Variants in CDH8 observed in about 807,000 individuals in gnomAD.
CDH8 encodes the protein cadherin-8.
A neutral mutation model predicts 68.1 loss-of-function variants in CDH8; 17 were observed. That is an observed-to-expected ratio of 0.25 (90% CI 0.17 to 0.37). The LOEUF (loss-of-function observed/expected upper bound fraction) is 0.37, where lower values mean the gene tolerates loss of function less well. Ranked by LOEUF, CDH8 falls within the 10% of genes least tolerant of loss-of-function variation. The pLI, the probability that CDH8 is intolerant of heterozygous loss-of-function variation, is 1.00. For missense variants in CDH8, 763 were observed against 999.3 expected (o/e 0.76, Z 3.19); for synonymous variants, 372 against 365.1 (o/e 1.02, Z -0.21).
rs1256855701 is a variant in CDH8, at chr16:61,688,589, C to A, written c.1654+25252G>T. 2.6e-5 allele frequency among the ~76,000 whole-genome samples: 4 copies of A among 151,844 alleles called. No homozygotes were observed. The East Asian group carries it at 7.8e-4, about 30-fold the overall frequency. On this transcript the variant is annotated intron_variant, in intron 10 of 11. Transcript: ENST00000577390. ...TCTGAGCTCTGAAGGTGTTAGTATCCTCATGTGGTTTGAGTTTCTGCAGAA... is the reference window on the plus strand; with the variant it reads ...TCTGAGCTCTGAAGGTGTTAGTATCATCATGTGGTTTGAGTTTCTGCAGAA...
chr16:62,015,036 G>C (rs113081392), intron 2 of CDH8, among the ~76,000 whole-genome samples: 14 of 151,772 alleles, frequency 9.2e-5, no homozygotes, highest in Admixed American at 3.9e-4. Flanking sequence ...CACACACACA[G>C]AGGCTGAGCA....
chr16:61,917,726 G>A (rs1246713812), intron 2 of CDH8, among the ~76,000 whole-genome samples: 2 of 152,146 alleles, frequency 1.3e-5, no homozygotes, highest in African/African-American at 2.4e-5. Context: ...GAACTGAAGT[G>A]GTACCTAGTA....
chr16:61,732,469 T>C (rs4784156), intron 8 of CDH8, among the ~76,000 whole-genome samples: 4,831 of 151,938 alleles, frequency 0.032, 355 homozygotes, highest in East Asian at 0.24. Context: ...GGATAACTTA[T>C]TCAAAGTGTT....
At chr16:61,887,385 C>G (rs571271605) in intron 3 of CDH8, among the ~76,000 whole-genome samples, 2 of 152,124 alleles carry the variant, frequency 1.3e-5, no homozygotes, top group Non-Finnish European at 2.9e-5. Flanking sequence ...TCCCACAGAC[C>G]GGGTGGCTTA....
intron 2 of CDH8, among the ~76,000 whole-genome samples, chr16:61,919,750 T>C (rs1461790693): frequency 2.0e-5 from 3 of 152,118 alleles, no homozygotes; most frequent in South Asian, 2.1e-4. Context: ...TGCAGGATAT[T>C]ATCCAGGAGA....
At chr16:61,787,775 C>G (rs1386421204) in intron 8 of CDH8, among the ~76,000 whole-genome samples, 156 of 150,568 alleles carry the variant, frequency 1.0e-3, no homozygotes, top group Non-Finnish European at 8.9e-4. Context: ...AAAATGATGA[C>G]TTCATGTCCT....
At position 61,647,713 on chromosome 16, in the gene CDH8, G is replaced by T; in HGVS notation, c.*5895C>A. 1.5e-6 allele frequency: 1 copy of T among 675,030 alleles called. No individual in the cohort carries two copies. The highest frequency in any genetic ancestry group is 2.7e-6 in the Non-Finnish European group (1 of 372,998). 41.8% of individuals were successfully genotyped at this position (675,030 alleles called of 1,614,324 possible). A position where few individuals can be genotyped will look rare whatever the true frequency, so the allele number is the denominator to read the frequency against. ...CTTATTTTTGAGGAATCATAGGATG[G>T]CCTGAAGTTCTTTGCATGTACAGAA... On this transcript the variant is annotated 3_prime_UTR_variant, in exon 12 of 12. Transcript: ENST00000577390.
In CDH8 at chr16:61,953,704, C is replaced by T. The variant is rs150172740; in HGVS notation, c.253-52231G>A. On this transcript the variant is annotated intron_variant, in intron 2 of 11. Transcript: ENST00000577390. ...GCAACTTGGCAACACCCTGTCTCTA[C>T]AAAAAAATACAAAAACTAGCCAGGC... is the stretch of plus-strand genomic sequence containing the variant. 7.3e-3 allele frequency among the ~76,000 whole-genome samples: 1,100 copies of T among 150,534 alleles called. 13 individuals are homozygous for T. Among genetic ancestry groups the T allele is most frequent in the African/African-American group, 0.026 (1,061 of 40,994 alleles).
chr16:61,784,730 A>G (rs1961188808), intron 8 of CDH8, among the ~76,000 whole-genome samples: 1 of 149,812 alleles, frequency 6.7e-6, no homozygotes, highest in Non-Finnish European at 1.5e-5. Flanking sequence ...AAATTATAAC[A>G]AACTGTCTCT....
intron 8 of CDH8, among the ~76,000 whole-genome samples, chr16:61,735,699 C>G (rs1321568903): frequency 6.6e-6 from 1 of 152,090 alleles, no homozygotes; most frequent in Non-Finnish European, 1.5e-5. Context: ...AGAAGAAACA[C>G]TTTTCTACAG....
chr16:61,991,916 T>C (rs1423872951), intron 2 of CDH8, among the ~76,000 whole-genome samples: 1 of 152,174 alleles, frequency 6.6e-6, no homozygotes, highest in South Asian at 2.1e-4. Flanking sequence ...TGTACTACTT[T>C]GGAGAAGCAA....
intron 1 of CDH8, among the ~76,000 whole-genome samples, chr16:62,032,755 A>AC (rs1371098400): frequency 6.6e-6 from 1 of 152,192 alleles, no homozygotes; most frequent in Non-Finnish European, 1.5e-5. Flanking sequence ...ATGTCACTTT[A>AC]CCCCTTGAAA....
chr16:61,749,363 C>T lies in CDH8; in HGVS notation c.1415-22148G>A, dbSNP rs540626401. On this transcript the variant is annotated intron_variant, in intron 8 of 11. Coordinates refer to ENST00000577390, the MANE Select transcript of CDH8 (RefSeq NM_001796.5). ...GCTTAATACTTCCTATATTTATATA[C>T]AGCCTTTCAGAAGCTTTGATTCTAG... 2.0e-5 allele frequency among the ~76,000 whole-genome samples: 3 copies of T among 152,192 alleles called. No individual in the cohort carries two copies. The East Asian group carries it at 5.8e-4, about 29-fold the overall frequency.
At chr16:61,686,805 C>T (rs1049144903) in intron 10 of CDH8, among the ~76,000 whole-genome samples, 10 of 151,732 alleles carry the variant, frequency 6.6e-5, no homozygotes, top group African/African-American at 2.4e-4. Flanking sequence ...TTTAGGTTAG[C>T]AGTATGTGTT....
chr16:61,776,471 G>A (rs2142991271), intron 8 of CDH8, among the ~76,000 whole-genome samples: 1 of 152,168 alleles, frequency 6.6e-6, no homozygotes, highest in Non-Finnish European at 1.5e-5. Context: ...TGAAGAAGGA[G>A]CTTTTAAAGT....
At chr16:61,974,495 G>C (rs1307523193) in intron 2 of CDH8, among the ~76,000 whole-genome samples, 1 of 152,154 alleles carries the variant, frequency 6.6e-6, no homozygotes, top group Admixed American at 6.5e-5. Flanking sequence ...ATCCAGTTCT[G>C]AATGTTTTGA....
chr16:61,918,127 T>A (rs973111022), intron 2 of CDH8: 25 of 151,222 alleles, frequency 1.7e-4, no homozygotes, highest in African/African-American at 6.1e-4. Context: ...AAAAAAAAAA[T>A]CCAGTTTCAC....
rs1275936648 is a variant in CDH8 at position 61,949,933 on chromosome 16, A to T, written c.253-48460T>A. 2.0e-5 allele frequency among the ~76,000 whole-genome samples: 3 copies of T among 151,838 alleles called. No homozygotes were observed. In the East Asian group the frequency reaches 5.8e-4, roughly 30 times the overall value. ...AACATGGGTGGTTGAGGCTGCAATG[A>T]GCCATGATCCTGCCACTGCAATTCA... On this transcript the variant is annotated intron_variant, in intron 2 of 11. Transcript: ENST00000577390.
In CDH8 at chr16:61,939,547, C is replaced by T. The variant is rs543009506; in HGVS notation, c.253-38074G>A. 3.6e-4 allele frequency among the ~76,000 whole-genome samples: 55 copies of T among 152,288 alleles called. No homozygotes were observed. In the South Asian group the frequency reaches 0.011, roughly 32 times the overall value. ...CCTAGCTACCTATTTCATAACATGACATTATAATTTATTAGCATTCCAATT... is the reference window on the plus strand; with the variant it reads ...CCTAGCTACCTATTTCATAACATGATATTATAATTTATTAGCATTCCAATT... On this transcript the variant is annotated intron_variant, in intron 2 of 11. Coordinates refer to ENST00000577390, the MANE Select transcript of CDH8 (RefSeq NM_001796.5).
Sources: gnomAD v4.1 joint callset for allele counts (sites outside exome capture counted in the v4.1 genomes callset) on GRCh38, gnomAD v4.1.1 for gene constraint, MANE v1.5 for transcripts, NCBI Gene and HGNC (gene_info 2026-07-23, HGNC 2026-07-21) for gene names.